PCDH15: variants seen among roughly 807,000 people sequenced by gnomAD.
PCDH15 encodes protocadherin related 15, also known as protocadherin-15.
A neutral mutation model predicts 178.5 loss-of-function variants in PCDH15; 129 were observed. The observed-to-expected ratio is 0.72, with a 90% CI of 0.63 to 0.84. The LOEUF (loss-of-function observed/expected upper bound fraction) is 0.84, where lower values mean the gene tolerates loss of function less well. PCDH15 is among the 40% of genes least tolerant of loss of function. PCDH15 has a pLI of 0.00. For synonymous variants in PCDH15, 800 were observed against 732.0 expected (o/e 1.09, Z -1.50); for missense variants, 2,230 against 2,099.9 (o/e 1.06, Z -1.21).
At chr10:53,821,054 G>A in intron 32 of PCDH15, 2 of 934,532 alleles carry the variant, frequency 2.1e-6, no homozygotes, top group Non-Finnish European at 1.3e-6. Context: ...AAATTAAACA[G>A]CACTTTTTAA....
intron 8 of PCDH15, among the ~76,000 whole-genome samples, chr10:54,315,356 C>G (rs1755121463): frequency 6.6e-6 from 1 of 150,730 alleles, no homozygotes; most frequent in Admixed American, 6.7e-5. Context: ...GTGTTCATGT[C>G]CAAAAGAAAA....
chr10:53,919,581 A>G (rs2083822366), intron 25 of PCDH15, among the ~76,000 whole-genome samples: 1 of 152,182 alleles, frequency 6.6e-6, no homozygotes, highest in Non-Finnish European at 1.5e-5. Flanking sequence ...GAGGGATTAA[A>G]TAACATGTCT....
At chr10:55,460,523 T>C (rs1316863594) in intron 2 of PCDH15, among the ~76,000 whole-genome samples, 1 of 152,110 alleles carries the variant, frequency 6.6e-6, no homozygotes, top group African/African-American at 2.4e-5. Context: ...TGTATATTTT[T>C]CACCGGACGC....
chr10:54,532,883 A>T (rs1043463765), intron 2 of PCDH15, among the ~76,000 whole-genome samples: 1 of 152,084 alleles, frequency 6.6e-6, no homozygotes, highest in Non-Finnish European at 1.5e-5. Flanking sequence ...TCAAAGATGT[A>T]CATGCTAGGT....
At chr10:53,890,767 A>G (rs2081500716) in intron 26 of PCDH15, among the ~76,000 whole-genome samples, 2 of 151,982 alleles carry the variant, frequency 1.3e-5, no homozygotes, top group Non-Finnish European at 1.5e-5. Context: ...CTGTTTTTGA[A>G]AAAAAAGGAA....
At chr10:54,052,544 T>C (rs1391767438) in intron 18 of PCDH15, among the ~76,000 whole-genome samples, 1 of 152,228 alleles carries the variant, frequency 6.6e-6, no homozygotes. Context: ...ATCCTACGCC[T>C]GTACCCTCAT....
Position 55,477,626 on chromosome 10 carries a change from G to A in PCDH15, c.-156+149999C>T, listed in dbSNP as rs145788143. 2.8e-4 allele frequency among the ~76,000 whole-genome samples: 42 copies of A among 151,996 alleles called. 1 individual carries two copies. Among genetic ancestry groups the A allele is most frequent in the Admixed American group, 1.7e-3 (26 of 15,214 alleles). ...GCTTGGCACAAACACTTGTGATTTC[G>A]CAAGAGATGCCATCATTTAGTGTTC... On this transcript the variant is annotated intron_variant, in intron 2 of 5. Transcript: ENST00000613346.
chr10:54,726,419 GGTGT>G (rs72051103), intron 1 of PCDH15, among the ~76,000 whole-genome samples: 724 of 19,478 alleles, frequency 0.037, 4 homozygotes, highest in African/African-American at 0.065. Flanking sequence ...ACCCATCAGG[GGTGT>G]GTGTGTGTGT....
intron 2 of PCDH15, among the ~76,000 whole-genome samples, chr10:55,544,170 A>G (rs191930512): frequency 0.014 from 1,871 of 137,770 alleles, 57 homozygotes; most frequent in African/African-American, 0.046. Context: ...ATATATATAT[A>G]TATATTATAC....
chr10:54,081,317 T>TATAG (rs1366816536), intron 16 of PCDH15, among the ~76,000 whole-genome samples: 3 of 151,302 alleles, frequency 2.0e-5, no homozygotes, highest in Non-Finnish European at 2.9e-5. Context: ...TTGGAATATA[T>TATAG]ATGTATACTC....
chr10:54,611,612 A>G (rs1207943778), intron 2 of PCDH15, among the ~76,000 whole-genome samples: 1 of 151,872 alleles, frequency 6.6e-6, no homozygotes, highest in South Asian at 2.1e-4. Flanking sequence ...CAGTGACAGA[A>G]CATATGAGGC....
intron 1 of PCDH15, among the ~76,000 whole-genome samples, chr10:55,222,730 C>CACACACACATATATATAT: frequency 8.2e-6 from 1 of 121,262 alleles, no homozygotes; most frequent in South Asian, 2.6e-4. Context: ...CACACACACA[C>CACACACACATATATATAT]ATATATATAT....
intron 2 of PCDH15, among the ~76,000 whole-genome samples, chr10:55,410,878 G>A (rs10763198): frequency 0.47 from 70,708 of 151,832 alleles, 17,268 homozygotes; most frequent in Middle Eastern, 0.52. Flanking sequence ...TACTAGACAT[G>A]TACGCATTAT....
chr10:55,304,490 T>C (rs759909845), intron 1 of PCDH15, among the ~76,000 whole-genome samples: 23 of 152,214 alleles, frequency 1.5e-4, no homozygotes, highest in Non-Finnish European at 2.5e-4. Flanking sequence ...TATATTAACA[T>C]AACATGTTTT....
intron 2 of PCDH15, among the ~76,000 whole-genome samples, chr10:55,433,856 C>G (rs1041248974): frequency 1.3e-5 from 2 of 151,994 alleles, no homozygotes; most frequent in Non-Finnish European, 2.9e-5. Flanking sequence ...TGTACAACCC[C>G]TGTCACTGCA....
chr10:54,169,023 T>C lies in PCDH15; in HGVS notation c.1590+14421A>G, dbSNP rs1466935659. On this transcript the variant is annotated intron_variant, in intron 13 of 37. Transcript: ENST00000644397. ...CTCCAGAACCTCCTCCCACAGGAGC[T>C]TGCTACACATGCAGGAAATCTGGCC... is the stretch of plus-strand genomic sequence containing the variant. 2.0e-5 allele frequency among the ~76,000 whole-genome samples: 3 copies of C among 152,172 alleles called. No individual in the cohort carries two copies. The East Asian group carries it at 5.8e-4, about 30-fold the overall frequency.
intron 2 of PCDH15, among the ~76,000 whole-genome samples, chr10:55,418,652 A>G (rs1201197956): frequency 6.6e-6 from 1 of 151,746 alleles, no homozygotes; most frequent in Non-Finnish European, 1.5e-5. Context: ...TCTGGATGAC[A>G]TTTTGTAACT....
intron 2 of PCDH15, among the ~76,000 whole-genome samples, chr10:55,465,241 T>C (rs1839807924): frequency 1.3e-5 from 2 of 152,086 alleles, no homozygotes; most frequent in Non-Finnish European, 2.9e-5. Context: ...TTGAGTGGCA[T>C]TCTTGAGTCC....
intron 2 of PCDH15, among the ~76,000 whole-genome samples, chr10:55,044,361 C>T (rs1840944224): frequency 6.6e-6 from 1 of 152,064 alleles, no homozygotes; most frequent in Admixed American, 6.6e-5. Flanking sequence ...GAACAATTGG[C>T]AATAACCTCC....
Sources: allele counts gnomAD v4.1 joint callset (sites outside exome capture counted in the v4.1 genomes callset), GRCh38; gene constraint gnomAD v4.1.1; transcripts MANE v1.5; gene names NCBI Gene and HGNC (gene_info 2026-07-23, HGNC 2026-07-21).